RALGPS1: variants seen among roughly 807,000 people sequenced by gnomAD.
RALGPS1 encodes the protein ras-specific guanine nucleotide-releasing factor RalGPS1.
RALGPS1 carries 19 observed loss-of-function variants against 78.8 expected under a neutral mutation model. The ratio of observed to expected loss-of-function variants is 0.24; its 90% CI spans 0.17 to 0.35. RALGPS1 has a LOEUF of 0.35. Ranked by LOEUF, RALGPS1 falls within the 10% of genes least tolerant of loss-of-function variation. RALGPS1 has a pLI of 1.00. For missense variants in RALGPS1, 454 were observed against 688.3 expected, an observed-to-expected ratio of 0.66 and a Z score of 3.81; for synonymous variants, 228 against 256.3, an observed-to-expected ratio of 0.89 and a Z score of 1.06.
chr9:127,067,157 T>C (rs1196844268), intron 7 of RALGPS1, among the ~76,000 whole-genome samples: 2 of 152,296 alleles, frequency 1.3e-5, no homozygotes, highest in East Asian at 3.9e-4. Context: ...AGTTATATAT[T>C]ACAGTGTCTT....
chr9:127,174,650 C>A, intron 10 of RALGPS1, 65 bp from the exon 11 acceptor site: 1 of 1,439,452 alleles, frequency 6.9e-7, no homozygotes. Flanking sequence ...CTTTTCCCAG[C>A]CCCAAACAGG....
Position 127,003,535 on chromosome 9 carries a change from G to A in RALGPS1, c.216+25790G>A, listed in dbSNP as rs919500862. ...TCTCACACCAGTTAGAATGGCAATC[G>A]TTAAAAAGTCACAAACGTTCTTGAA... is the stretch of plus-strand genomic sequence containing the variant. On this transcript the variant is annotated intron_variant, in intron 4 of 18. Transcript: ENST00000259351. 6.6e-5 allele frequency among the ~76,000 whole-genome samples: 10 copies of A among 152,102 alleles called. No homozygotes were observed. In the South Asian group the frequency reaches 1.9e-3, roughly 28 times the overall value.
At chr9:127,108,626 T>C (rs2054497311) in intron 8 of RALGPS1, 2 of 1,613,636 alleles carry the variant, frequency 1.2e-6, no homozygotes, top group Admixed American at 1.7e-5. Context: ...ATGAACTCTC[T>C]TGGCGAGCCC....
At chr9:127,100,653 A>C (rs2053630015) in intron 8 of RALGPS1, among the ~76,000 whole-genome samples, 1 of 152,188 alleles carries the variant, frequency 6.6e-6, no homozygotes, top group African/African-American at 2.4e-5. Context: ...AGGGTTCCAC[A>C]GGCACACTAA....
At chr9:127,142,806 T>C (rs1011898150) in intron 8 of RALGPS1, among the ~76,000 whole-genome samples, 3 of 152,246 alleles carry the variant, frequency 2.0e-5, no homozygotes, top group African/African-American at 7.2e-5. Context: ...ATACAAATTA[T>C]ATACATTTGT....
chr9:127,182,707 G>A (rs2060352609), intron 11 of RALGPS1, among the ~76,000 whole-genome samples: 1 of 152,024 alleles, frequency 6.6e-6, no homozygotes, highest in African/African-American at 2.4e-5. Flanking sequence ...GGGATTACAG[G>A]CGTGAGTCAC....
intron 5 of RALGPS1, among the ~76,000 whole-genome samples, chr9:127,038,489 T>C (rs531395142): frequency 4.6e-5 from 7 of 152,186 alleles, no homozygotes; most frequent in Non-Finnish European, 8.8e-5. Context: ...ATGTTAGCAT[T>C]CTCCTTTCTT....
At chr9:127,190,991 G>A (rs1163709005) in intron 11 of RALGPS1, among the ~76,000 whole-genome samples, 1 of 152,084 alleles carries the variant, frequency 6.6e-6, no homozygotes, top group Non-Finnish European at 1.5e-5. Context: ...TACCAGTGGG[G>A]TTAAGCGTCT....
chr9:126,992,184 A>G (rs985415473), intron 4 of RALGPS1, among the ~76,000 whole-genome samples: 2 of 152,252 alleles, frequency 1.3e-5, no homozygotes, highest in African/African-American at 4.8e-5. Flanking sequence ...CAGTTTCTGT[A>G]TCAGTAAAAT....
At chr9:126,972,074 G>C (rs1320871108) in intron 3 of RALGPS1, among the ~76,000 whole-genome samples, 3 of 152,176 alleles carry the variant, frequency 2.0e-5, no homozygotes, top group African/African-American at 7.2e-5. Context: ...TTGATTCCAA[G>C]CCTGGGAAAG....
At chr9:127,198,933 G>A in intron 13 of RALGPS1, 82 bp from the exon 14 acceptor site, 1 of 1,255,652 alleles carries the variant, frequency 8.0e-7, no homozygotes, top group Non-Finnish European at 1.2e-6. Context: ...GTGAGCTCAG[G>A]GGGCCTGGGC....
intron 10 of RALGPS1, among the ~76,000 whole-genome samples, chr9:127,173,087 G>A (rs1349833599): frequency 6.6e-6 from 1 of 152,198 alleles, no homozygotes; most frequent in Non-Finnish European, 1.5e-5. Context: ...CTCTTCTGTA[G>A]CCTGTGGGAG....
chr9:127,067,245 T>C (rs560581034), intron 7 of RALGPS1, among the ~76,000 whole-genome samples: 21 of 152,322 alleles, frequency 1.4e-4, no homozygotes, highest in Non-Finnish European at 2.2e-4. Flanking sequence ...CCTGAGCATC[T>C]GTGTAGCATC....
chr9:127,162,872 A>G (rs957395322), intron 8 of RALGPS1, among the ~76,000 whole-genome samples: 5 of 152,158 alleles, frequency 3.3e-5, no homozygotes, highest in African/African-American at 1.2e-4. Flanking sequence ...TGACCAGTGG[A>G]TGGGAACATG....
intron 8 of RALGPS1, among the ~76,000 whole-genome samples, chr9:127,080,506 T>C (rs2051073312): frequency 6.6e-6 from 1 of 152,210 alleles, no homozygotes; most frequent in African/African-American, 2.4e-5. Context: ...GGGGCACATA[T>C]GATATTGTGC....
At chr9:126,985,437 A>C (rs990265861) in intron 4 of RALGPS1, among the ~76,000 whole-genome samples, 1 of 152,222 alleles carries the variant, frequency 6.6e-6, no homozygotes, top group Non-Finnish European at 1.5e-5. Context: ...TCTTGTAAAA[A>C]TTTGACTAAT....
intron 1 of RALGPS1, among the ~76,000 whole-genome samples, chr9:126,940,846 C>T (rs900999580): frequency 6.5e-4 from 99 of 152,260 alleles, no homozygotes; most frequent in African/African-American, 2.3e-3. Flanking sequence ...CTTTAAATAC[C>T]CAGCTCTGAG....
At chr9:127,161,966 C>A (rs759719471) in intron 8 of RALGPS1, among the ~76,000 whole-genome samples, 1 of 152,190 alleles carries the variant, frequency 6.6e-6, no homozygotes, top group Non-Finnish European at 1.5e-5. Flanking sequence ...ATAATCTGGG[C>A]AAAGCTCTTA....
intron 13 of RALGPS1, 88 bp downstream of exon 13, chr9:127,196,719 CCCAG>C: frequency 7.1e-7 from 1 of 1,415,440 alleles, no homozygotes; most frequent in Non-Finnish European, 9.5e-7. Flanking sequence ...CTGTGCCATG[CCCAG>C]TGGCGCTATC....
Sources: gnomAD v4.1 joint callset for allele counts (sites outside exome capture counted in the v4.1 genomes callset) on GRCh38, gnomAD v4.1.1 for gene constraint, MANE v1.5 for transcripts, NCBI Gene and HGNC (gene_info 2026-07-23, HGNC 2026-07-21) for gene names.